NSG1: variants seen among roughly 807,000 people sequenced by gnomAD.
NSG1 encodes neuronal vesicle trafficking associated 1, also known as neuronal vesicle trafficking-associated protein 1.
In NSG1, 9 loss-of-function variants were observed where a neutral mutation model predicts 19.3. The observed-to-expected ratio is 0.47, with a 90% CI of 0.28 to 0.81. The LOEUF (loss-of-function observed/expected upper bound fraction) is 0.81. NSG1 is among the 40% of genes least tolerant of loss of function. The pLI is 0.11. For missense variants in NSG1, 236 were observed against 242.4 expected, an observed-to-expected ratio of 0.97 and a Z score of 0.18; for synonymous variants, 104 against 107.0, an observed-to-expected ratio of 0.97 and a Z score of 0.17.
chr4:4,397,039 CTGTGTGTG>C (rs61613589), intron 3 of NSG1, among the ~76,000 whole-genome samples: 3 of 150,038 alleles, frequency 2.0e-5, no homozygotes, highest in African/African-American at 7.3e-5. Context: ...GTTCAGTCAT[CTGTGTGTG>C]TGTGTGTGTG....
chr4:4,407,203 G>T (rs879783087), intron 3 of NSG1, among the ~76,000 whole-genome samples: 4 of 152,234 alleles, frequency 2.6e-5, no homozygotes, highest in Admixed American at 1.3e-4. Context: ...GGCAACCTAC[G>T]GTCGGGGTTG....
At chr4:4,394,493 T>C (rs894530597) in intron 3 of NSG1, among the ~76,000 whole-genome samples, 11 of 152,188 alleles carry the variant, frequency 7.2e-5, no homozygotes, top group African/African-American at 2.4e-4. Flanking sequence ...AACCTGTGAC[T>C]GGGTGTCCTG....
intron 3 of NSG1, among the ~76,000 whole-genome samples, chr4:4,392,981 AC>A (rs2108726678): frequency 6.6e-6 from 1 of 152,140 alleles, no homozygotes; most frequent in South Asian, 2.1e-4. Flanking sequence ...CGAGGTCAAT[AC>A]CTGTCTTCTG....
chr4:4,392,605 C>T (rs1473120970), intron 3 of NSG1, among the ~76,000 whole-genome samples: 1 of 152,192 alleles, frequency 6.6e-6, no homozygotes, highest in Non-Finnish European at 1.5e-5. Flanking sequence ...CAGATGAAGC[C>T]AAAACCACAG....
At chr4:4,394,238 A>T (rs11943737) in intron 3 of NSG1, among the ~76,000 whole-genome samples, 1 of 152,102 alleles carries the variant, frequency 6.6e-6, no homozygotes, top group Non-Finnish European at 1.5e-5. Context: ...CCACTTCTTC[A>T]AATCCTTTTC....
intron 4 of NSG1, among the ~76,000 whole-genome samples, chr4:4,411,750 A>AAAC (rs1265275574): frequency 1.1e-5 from 1 of 89,606 alleles, no homozygotes; most frequent in East Asian, 2.2e-4. Context: ...TCTAAAAACA[A>AAAC]AACAAAACAA....
At chr4:4,387,556 C>CCCCCCCGGGGGGGGGGGGGGGGGGGG in intron 1 of NSG1, 48 bp from the exon 2 acceptor site, 3 of 741,702 alleles carry the variant, frequency 4.0e-6, no homozygotes, top group Non-Finnish European at 6.4e-6. Flanking sequence ...CCCCCCGCCC[C>CCCCCCCGGGGGGGGGGGGGGGGGGGG]GCCCCGGGTC....
chr4:4,406,837 C>A (rs895998342), intron 3 of NSG1, among the ~76,000 whole-genome samples: 1 of 152,222 alleles, frequency 6.6e-6, no homozygotes, highest in African/African-American at 2.4e-5. Flanking sequence ...CAACCCCAGG[C>A]ACCATCAGGG....
At chr4:4,391,068 T>C (rs1290955091) in intron 2 of NSG1, among the ~76,000 whole-genome samples, 3 of 152,158 alleles carry the variant, frequency 2.0e-5, no homozygotes, top group African/African-American at 7.2e-5. Context: ...CTTGTGCCCA[T>C]GGTGGCACAG....
intron 4 of NSG1, among the ~76,000 whole-genome samples, chr4:4,413,564 T>C (rs1010733732): frequency 2.7e-5 from 4 of 148,486 alleles, no homozygotes; most frequent in Admixed American, 1.3e-4. Flanking sequence ...TTTGTGATGG[T>C]AGAGGAGCAC....
At chr4:4,408,405 G>A (rs935117494) in intron 3 of NSG1, among the ~76,000 whole-genome samples, 12 of 152,190 alleles carry the variant, frequency 7.9e-5, no homozygotes, top group Admixed American at 2.6e-4. Flanking sequence ...GAGCCCCATC[G>A]CTCTCTCTGC....
chr4:4,394,021 A>G (rs958788009), intron 3 of NSG1, among the ~76,000 whole-genome samples: 3 of 152,030 alleles, frequency 2.0e-5, no homozygotes, highest in African/African-American at 7.3e-5. Flanking sequence ...TCTGCTTCAC[A>G]CTCCTAATGC....
intron 2 of NSG1, among the ~76,000 whole-genome samples, chr4:4,390,021 A>G (rs1023267528): frequency 6.6e-6 from 1 of 152,120 alleles, no homozygotes; most frequent in Non-Finnish European, 1.5e-5. Context: ...GCAGGTGGGG[A>G]TAGAATCCAG....
rs532462524 is a variant in NSG1 at position 4,412,277 on chromosome 4, G to A, written c.357+2594G>A. On this transcript the variant is annotated intron_variant, in intron 4 of 4. Coordinates refer to ENST00000621129, the MANE Select transcript of NSG1 (RefSeq NM_014392.5). ...CAAGTCCCGCTGGATACCTGGCCTG[G>A]GTGGGAGATGACCCAGGAGATGAAG... 8.4e-3 allele frequency among the ~76,000 whole-genome samples: 1,270 copies of A among 151,946 alleles called. 17 individuals carry two copies. The highest frequency in any genetic ancestry group is 0.029 in the African/African-American group (1,212 of 41,380).
At chr4:4,409,515 G>T in intron 3 of NSG1, 58 bp from the exon 4 acceptor site, 1 of 1,250,498 alleles carries the variant, frequency 8.0e-7, no homozygotes. Context: ...GTGCGGGTGT[G>T]TGTGTGTCTG....
chr4:4,396,910 C>A (rs1413558848), intron 3 of NSG1, among the ~76,000 whole-genome samples: 4 of 152,064 alleles, frequency 2.6e-5, no homozygotes, highest in African/African-American at 4.8e-5. Context: ...TGTGTGTGGA[C>A]GCCCCCTCAC....
Position 4,417,325 on chromosome 4 carries a change from T to G in NSG1, c.448T>G (p.Tyr150Asp). 2 of 1,614,126 alleles carry G rather than the reference T, an allele frequency of 1.2e-6. No individual in the cohort carries two copies. Among genetic ancestry groups the G allele is most frequent in the Non-Finnish European group, 1.7e-6 (2 of 1,180,034 alleles). Residue 150 changes from tyrosine (Y) to aspartate (D), a missense_variant, in exon 5 of 5, where the codon TAC (tyrosine) becomes GAC (aspartate). Physicochemically the swap from Tyr to Asp is radical, Grantham distance 160. Transcript: ENST00000621129. ...REKFYTVINH[Y>D]NLAKQSITRS... Reference sequence around the variant, plus strand: ...GAAATTTTACACAGTCATAAACCACTACAACCTGGCCAAGCAGAGCATCAC... The same window carrying G: ...GAAATTTTACACAGTCATAAACCACGACAACCTGGCCAAGCAGAGCATCAC...
intron 4 of NSG1, among the ~76,000 whole-genome samples, chr4:4,410,816 A>G (rs1332475971): frequency 6.6e-6 from 1 of 152,184 alleles, no homozygotes; most frequent in Non-Finnish European, 1.5e-5. Flanking sequence ...CTCTTTCTTC[A>G]GTAATAAATT....
At position 4,398,734 on chromosome 4, in the gene NSG1, T is replaced by C. The variant is rs536655794; in HGVS notation, c.246+7143T>C. Among the ~76,000 whole-genome samples, 49 of 152,348 alleles carry C rather than the reference T, an allele frequency of 3.2e-4. No homozygotes were observed. In the South Asian group the frequency reaches 4.8e-3, roughly 15 times the overall value. ...GTTTCCACATTTGGGCTGTTGTGGG[T>C]AGCGCTGCTGTGAACATTCATTTAC... is the stretch of plus-strand genomic sequence containing the variant. On this transcript the variant is annotated intron_variant, in intron 3 of 4. Coordinates refer to ENST00000621129, the MANE Select transcript of NSG1 (RefSeq NM_014392.5).
Sources: allele counts gnomAD v4.1 joint callset (sites outside exome capture counted in the v4.1 genomes callset), GRCh38; gene constraint gnomAD v4.1.1; transcripts MANE v1.5; gene names NCBI Gene and HGNC (gene_info 2026-07-23, HGNC 2026-07-21).